The following CACNA1I variants were observed in gnomAD, a reference collection of about 807,000 sequenced individuals.
The protein encoded by CACNA1I is calcium voltage-gated channel subunit alpha1 I.
CACNA1I carries 74 observed loss-of-function variants against 201.6 expected under a neutral mutation model. The ratio of observed to expected loss-of-function variants is 0.37; its 90% confidence interval spans 0.30 to 0.45. The LOEUF (loss-of-function observed/expected upper bound fraction) is 0.45. Among genes scored for constraint, CACNA1I ranks in the 20% least tolerant of loss-of-function variants. The pLI, the probability that CACNA1I is intolerant of heterozygous loss-of-function variation, is 1.00. For synonymous variants in CACNA1I, 1,431 were observed against 1,345.2 expected, an observed-to-expected ratio of 1.06 and a Z score of -1.40; for missense variants, 2,346 against 3,138.1, an observed-to-expected ratio of 0.75 and a Z score of 6.03.
chr22:39,658,965 C>T lies in CACNA1I; in HGVS notation c.2179C>T (p.Leu727=), dbSNP rs1192948751. ...GATTGTGGGGCAGGCGGACGGTGGG[C>T]TGTCGGTGCTGCGGACCTTCCGGCT... The part of the protein sequence containing the change: ...WEIVGQADGG[L]SVLRTFRLLR... The change falls in exon 12 of 37, where the codon CTG becomes TTG. Residue 727 remains leucine, a synonymous_variant. Coordinates refer to ENST00000402142, the MANE Select transcript of CACNA1I (RefSeq NM_021096.4). 2.5e-6 allele frequency: 4 copies of T among 1,604,662 alleles called. No individual in the cohort carries two copies. The highest frequency in any genetic ancestry group is 3.4e-6 in the Non-Finnish European group (4 of 1,177,252).
chr22:39,663,697 G>GCCCCC, intron 18 of CACNA1I, 21 bp from the exon 19 acceptor site: 107 of 1,591,482 alleles, frequency 6.7e-5, no homozygotes, highest in Non-Finnish European at 8.7e-5. Context: ...CGCTCAGGCA[G>GCCCCC]CCCCCGCCCA....
rs1601487088 is a variant in CACNA1I at position 39,641,185 on chromosome 22, G to A, written c.1056+3G>A. The A allele has an allele frequency of 1.9e-6, 3 of 1,610,960 alleles. No homozygotes were observed. In the Admixed American group the frequency reaches 5.0e-5, roughly 27 times the overall value. ...ATGCTTGGATTGTCATCTTCCAGGT[G>A]AGGCCATTCAGGCCTGGGGCCAGCC... On this transcript the variant is annotated splice_donor_region_variant and intron_variant, in intron 6 of 36. Transcript: ENST00000402142.
At position 39,670,829 on chromosome 22, in the gene CACNA1I, A is replaced by G; in HGVS notation, c.4414A>G (p.Thr1472Ala). 3 of 1,613,568 alleles carry G rather than the reference A, an allele frequency of 1.9e-6. No homozygotes were observed. The highest frequency in any genetic ancestry group is 2.5e-6 in the Non-Finnish European group (3 of 1,179,792). The part of the protein sequence containing the change: ...RKAQRLPYYA[T>A]YCHTRLLIHS... ...GGCCCAGCGGCTGCCCTACTATGCC[A>G]CCTATTGTCACACCCGGCTGCTCAT... The change falls in exon 26 of 37, where the codon ACC becomes GCC. Residue 1472 changes from threonine (T) to alanine (A), a missense_variant. Thr to Ala is a moderately conservative substitution (Grantham distance 58). Coordinates refer to ENST00000402142, the MANE Select transcript of CACNA1I (RefSeq NM_021096.4).
chr22:39,630,162 C>T (rs1008053031), intron 4 of CACNA1I, among the ~76,000 whole-genome samples: 124 of 152,296 alleles, frequency 8.1e-4, no homozygotes, highest in African/African-American at 2.9e-3. Context: ...CCACCCCTTC[C>T]CTGTCTCTGC....
rs1935913653 is a variant in CACNA1I, at chr22:39,687,221, C to T, written c.*816C>T. ...AGGTGAGGTCCCCAGCTCCTGAGCA[C>T]TTCTGAGGGGGTGGGTTCCACCCCC... On this transcript the variant is annotated 3_prime_UTR_variant, in exon 37 of 37. Coordinates refer to ENST00000402142, the MANE Select transcript of CACNA1I (RefSeq NM_021096.4). 1 of 152,142 alleles carries T rather than the reference C, an allele frequency of 6.6e-6. No homozygotes were observed. 9.4% of individuals were successfully genotyped at this position (152,142 alleles called of 1,614,324 possible).
In CACNA1I at chr22:39,677,976, C is replaced by CTT. The variant is rs1935568113; in HGVS notation, c.4934-11_4934-10insTT. ...GCCATCGGGCAGGGCTGACCTCCTC[C>CTT]CCGCTTCCAGTCTGCAACGACGAGA... On this transcript the variant is annotated splice_polypyrimidine_tract_variant and intron_variant, in intron 30 of 36. Transcript: ENST00000402142. The surrounding 1 kb of genome is among the most constrained non-coding windows in gnomAD (Gnocchi z 4.8). The CTT allele has an allele frequency of 6.3e-7, 1 of 1,579,890 alleles. No homozygotes were observed. Among genetic ancestry groups the CTT allele is most frequent in the Non-Finnish European group, 8.6e-7 (1 of 1,163,890 alleles).
In CACNA1I at chr22:39,665,546, C is replaced by T; in HGVS notation, c.3900C>T (p.Ile1300=). Residue 1300 remains isoleucine (I), a synonymous_variant, in exon 22 of 37, where the codon ATC becomes ATT. Coordinates refer to ENST00000402142, the MANE Select transcript of CACNA1I (RefSeq NM_021096.4). The surrounding 1 kb of genome is among the most constrained non-coding windows in gnomAD (Gnocchi z 5.5). ...TGAAGCTGGTGGTGGAGACACTCAT[C>T]TCCTCCCTCAAGCCCATCGGCAACA... ...PGLKLVVETL[I]SSLKPIGNIV... 6.2e-7 allele frequency: 1 copy of T among 1,613,882 alleles called. No homozygotes were observed. Among genetic ancestry groups the T allele is most frequent in the Non-Finnish European group, 8.5e-7 (1 of 1,179,818 alleles).
intron 4 of CACNA1I, among the ~76,000 whole-genome samples, chr22:39,632,059 C>G (rs766346092): frequency 6.6e-6 from 1 of 152,008 alleles, no homozygotes. Flanking sequence ...GGAAGCCAGC[C>G]GGATAGGTTT....
At chr22:39,619,915 C>T (rs1933676653) in intron 4 of CACNA1I, among the ~76,000 whole-genome samples, 1 of 152,078 alleles carries the variant, frequency 6.6e-6, no homozygotes. Context: ...ATCCATCCAC[C>T]CGTCCACCTA....
intron 23 of CACNA1I, among the ~76,000 whole-genome samples, chr22:39,667,625 CACTT>C (rs1019154872): frequency 1.3e-5 from 2 of 151,932 alleles, no homozygotes; most frequent in Non-Finnish European, 2.9e-5. Context: ...GATGTGAACT[CACTT>C]AAGGGACATG....
At chr22:39,595,865 C>A (rs1479682733) in intron 1 of CACNA1I, among the ~76,000 whole-genome samples, 1 of 151,360 alleles carries the variant, frequency 6.6e-6, no homozygotes, top group African/African-American at 2.4e-5. Context: ...AAGTCCCTGT[C>A]CCCTTTGGAA....
chr22:39,572,496 T>TC (rs1488491486), intron 1 of CACNA1I, among the ~76,000 whole-genome samples: 1 of 151,766 alleles, frequency 6.6e-6, no homozygotes, highest in Non-Finnish European at 1.5e-5. Flanking sequence ...GGGCCCTGGA[T>TC]CCCCCTAACT....
At position 39,650,078 on chromosome 22, in the gene CACNA1I, C is replaced by A. The variant is rs962022778; in HGVS notation, c.1992+153C>A. The A allele has an allele frequency of 5.1e-6, 4 of 780,636 alleles. 1 individual carries two copies. Among genetic ancestry groups the A allele is most frequent in the Non-Finnish European group, 2.1e-6 (1 of 484,340 alleles). 48.4% of individuals were successfully genotyped at this position (780,636 alleles called of 1,614,324 possible). ...AGCTGGGTCCAGTTCATCCATGTGA[C>A]CTTACTGCCCAGCCAGGGCCGAGCT... On this transcript the variant is annotated intron_variant, in intron 10 of 36. Transcript: ENST00000402142.
Position 39,659,372 on chromosome 22 carries a change from C to A in CACNA1I, c.2331-61C>A. The stretch of plus-strand genomic sequence containing the variant: ...TTTACTGAGTTGACTGAGAATGAAA[C>A]AAGGTGAGTAGGCAGTTTGGTGCAT... On this transcript the variant is annotated intron_variant, in intron 12 of 36. Transcript: ENST00000402142. The surrounding 1 kb of genome is among the most constrained non-coding windows in gnomAD (Gnocchi z 4.3). 8.5e-7 allele frequency: 1 copy of A among 1,172,928 alleles called. No individual in the cohort carries two copies. Among genetic ancestry groups the A allele is most frequent in the Non-Finnish European group, 1.2e-6 (1 of 803,004 alleles). The allele number at this position is 1,172,928 out of a possible 1,614,324, so 72.7% of individuals were successfully genotyped here.
intron 35 of CACNA1I, among the ~76,000 whole-genome samples, chr22:39,683,003 G>A (rs896375800): frequency 6.6e-6 from 1 of 152,148 alleles, no homozygotes; most frequent in Non-Finnish European, 1.5e-5. Flanking sequence ...CCAGATTATT[G>A]TGGTGTTTTT....
rs757976658 is a variant in CACNA1I, at chr22:39,684,474, G to C, written c.6003G>C (p.Arg2001Ser). 1.7e-5 allele frequency: 27 copies of C among 1,613,184 alleles called. No homozygotes were observed. The Admixed American group carries it at 4.5e-4, about 27-fold the overall frequency. The change falls in exon 36 of 37, where the codon AGG (arginine) becomes AGC (serine). Residue 2001 changes from arginine (R) to serine (S), a missense_variant. This residue lies in a region of CACNA1I where 441 missense variants were observed against 555.6 expected (regional missense o/e 0.79). Transcript: ENST00000402142. The surrounding 1 kb of genome is among the most constrained non-coding windows in gnomAD (Gnocchi z 4.6). ...CCTGGGCATCTCTGCGGTCACCAAG[G>C]GTCAACTGTACCCTCCTCCGGCAGG... is the stretch of plus-strand genomic sequence containing the variant. ...QGSWASLRSP[R>S]VNCTLLRQAT...
intron 1 of CACNA1I, among the ~76,000 whole-genome samples, chr22:39,578,628 C>T (rs1226123621): frequency 6.6e-6 from 1 of 152,106 alleles, no homozygotes; most frequent in Non-Finnish European, 1.5e-5. Context: ...GGGGGTTTGT[C>T]TGCTGTCAAG....
chr22:39,674,423 A>AGGG (rs1364432194), intron 29 of CACNA1I, among the ~76,000 whole-genome samples: 1 of 152,154 alleles, frequency 6.6e-6, no homozygotes, highest in Admixed American at 6.5e-5. Context: ...AGCCTAGGAA[A>AGGG]GGGGACCTTT....
intron 1 of CACNA1I, among the ~76,000 whole-genome samples, chr22:39,579,677 G>A (rs1045452713): frequency 1.3e-5 from 2 of 149,166 alleles, no homozygotes; most frequent in Non-Finnish European, 3.0e-5. Context: ...ACAGAGTTTC[G>A]CTCTTGTCAC....
Sources: allele counts gnomAD v4.1 joint callset (sites outside exome capture counted in the v4.1 genomes callset), GRCh38; gene constraint gnomAD v4.1.1; regional missense constraint gnomAD v4.1.1; non-coding constraint Gnocchi (gnomAD v3.1); transcripts MANE v1.5; gene names NCBI Gene and HGNC (gene_info 2026-07-23, HGNC 2026-07-21).